VPS13C: variants seen among roughly 807,000 people sequenced by gnomAD.
VPS13C encodes the protein intermembrane lipid transfer protein VPS13C.
In VPS13C, 358 loss-of-function variants were observed where a neutral mutation model predicts 456.8. The observed-to-expected ratio is 0.78, with a 90% CI of 0.72 to 0.86. VPS13C has a LOEUF of 0.86. Ranked by LOEUF, VPS13C falls within the 40% of genes least tolerant of loss-of-function variation. VPS13C has a pLI of 0.00. For synonymous variants in VPS13C, 1,578 were observed against 1,486.7 expected (o/e 1.06, Z -1.41); for missense variants, 4,818 against 4,385.4 (o/e 1.10, Z -2.79).
In VPS13C at chr15:61,910,533, T is replaced by C. The variant is rs2043274160; in HGVS notation, c.8716-228A>G. ...AGATATATTAGTCTATATGTATTTA[T>C]GGTATAATTGCAATATGAGAAACTG... is the stretch of plus-strand genomic sequence containing the variant. On this transcript the variant is annotated intron_variant, in intron 63 of 84. Coordinates refer to ENST00000644861, the MANE Select transcript of VPS13C (RefSeq NM_020821.3). Among the ~76,000 whole-genome samples, 4 of 152,170 alleles carry C rather than the reference T, an allele frequency of 2.6e-5. No homozygotes were observed. In the South Asian group the frequency reaches 8.3e-4, roughly 32 times the overall value.
In VPS13C at chr15:62,013,128, G is replaced by GA. The variant is rs2047107234; in HGVS notation, c.745-10dup. 8.2e-6 allele frequency: 13 copies of GA among 1,583,784 alleles called. No homozygotes were observed. Among genetic ancestry groups the GA allele is most frequent in the Non-Finnish European group, 1.1e-5 (13 of 1,164,604 alleles). On this transcript the variant is annotated splice_polypyrimidine_tract_variant and intron_variant, in intron 10 of 84. Coordinates refer to ENST00000644861, the MANE Select transcript of VPS13C (RefSeq NM_020821.3). ...CTATCAAGTCGTATAAGCTATAAGA[G>GA]AAAAATGAAAGAGATCAGGCAATCA... is the stretch of plus-strand genomic sequence containing the variant.
intron 21 of VPS13C, 99 bp downstream of exon 21, chr15:61,982,360 G>GA (rs1446960815): frequency 2.3e-6 from 2 of 879,382 alleles, no homozygotes; most frequent in African/African-American, 1.7e-5. Flanking sequence ...TTAAAATAAA[G>GA]AAAAAAAGCA....
Position 61,951,855 on chromosome 15 carries a change from T to G in VPS13C, c.4425A>C (p.Lys1475Asn), listed in dbSNP as rs777376704. 11 of 1,612,690 alleles carry G rather than the reference T, an allele frequency of 6.8e-6. No homozygotes were observed. In the South Asian group the frequency reaches 9.9e-5, roughly 15 times the overall value. ...TYDMTAKAYL[K>N]KISMQCFDFT... is the part of the protein sequence containing the mutation. ...AATCAAAGCACTGCATACTAATTTTTTTTAGATAAGCTTTAGCAGTCATGT... is the reference window on the plus strand; with the variant it reads ...AATCAAAGCACTGCATACTAATTTTGTTTAGATAAGCTTTAGCAGTCATGT... Residue 1475 changes from lysine to asparagine, a missense_variant, in exon 39 of 85, where the codon AAA becomes AAC. By Grantham distance (94) the Lys-to-Asn change is moderately conservative (BLOSUM62 0). This residue lies in a region of VPS13C where 4,552 missense variants were observed against 4,130.6 expected (regional missense o/e 1.10). Transcript: ENST00000644861.
intron 22 of VPS13C, 73 bp downstream of exon 22, chr15:61,981,269 A>G: frequency 6.9e-7 from 1 of 1,459,784 alleles, no homozygotes; most frequent in South Asian, 1.5e-5. Context: ...GAAGAAAAAA[A>G]CAGCAAACTG....
intron 74 of VPS13C, 113 bp from the exon 75 acceptor site, chr15:61,877,167 C>G (rs1230733875): frequency 1.5e-6 from 1 of 674,174 alleles, no homozygotes; most frequent in African/African-American, 1.9e-5. Context: ...TCACAATTGA[C>G]TTCGTACATT....
chr15:61,944,878 TAAG>T (rs2044552052), intron 45 of VPS13C, among the ~76,000 whole-genome samples: 2 of 152,314 alleles, frequency 1.3e-5, no homozygotes, highest in African/African-American at 4.8e-5. Context: ...GCAGCCCCAC[TAAG>T]AAGAATAGGC....
chr15:61,890,988 A>C (rs975227122), intron 66 of VPS13C, among the ~76,000 whole-genome samples: 1 of 152,220 alleles, frequency 6.6e-6, no homozygotes, highest in African/African-American at 2.4e-5. Flanking sequence ...CAGAGGTTAC[A>C]GTGAGCTGAG....
Position 61,913,310 on chromosome 15 carries a change from C to A in VPS13C, c.8550+1G>T. The stretch of plus-strand genomic sequence containing the variant: ...AGGTAAATAAGGAAGCAGAATCTTA[C>A]CAGGTACTCCATATTGTTGGCAGGA... On this transcript the variant is annotated splice_donor_variant, in intron 62 of 84. Coordinates refer to ENST00000644861, the MANE Select transcript of VPS13C (RefSeq NM_020821.3). LOFTEE classifies it high-confidence loss of function. 3.7e-6 allele frequency: 6 copies of A among 1,613,162 alleles called. No homozygotes were observed. The highest frequency in any genetic ancestry group is 4.2e-6 in the Non-Finnish European group (5 of 1,179,268).
intron 35 of VPS13C, 52 bp from the exon 36 acceptor site, chr15:61,959,647 A>C: frequency 1.3e-6 from 2 of 1,553,010 alleles, no homozygotes; most frequent in South Asian, 2.4e-5. Context: ...TAGAAATGCA[A>C]CATATTAAAA....
At chr15:61,958,540 C>T in intron 37 of VPS13C, 68 bp downstream of exon 37, 1 of 867,934 alleles carries the variant, frequency 1.2e-6, no homozygotes, top group Non-Finnish European at 1.8e-6. Context: ...TTTTTATTTG[C>T]TGATTCCCTA....
At chr15:61,974,573 T>C (rs1049488966) in intron 24 of VPS13C, among the ~76,000 whole-genome samples, 156 bp from the exon 25 acceptor site, 1 of 152,152 alleles carries the variant, frequency 6.6e-6, no homozygotes, top group Non-Finnish European at 1.5e-5. Flanking sequence ...TGTCAGGAAA[T>C]GGGAAGTTCT....
chr15:61,863,478 A>T lies in VPS13C; in HGVS notation c.10914T>A (p.Ile3638=). 1.9e-6 allele frequency: 3 copies of T among 1,613,044 alleles called. No individual in the cohort carries two copies. Among genetic ancestry groups the T allele is most frequent in the Non-Finnish European group, 1.7e-6 (2 of 1,179,330 alleles). The change falls in exon 82 of 85, where the codon ATT becomes ATA. Residue 3638 remains isoleucine (I), a synonymous_variant. Coordinates refer to ENST00000644861, the MANE Select transcript of VPS13C (RefSeq NM_020821.3). ...TAAGGATTGTCTTCTTGCTTCCAGGAATAGCACAGTGGTATCGGTAAGTCT... is the reference window on the plus strand; with the variant it reads ...TAAGGATTGTCTTCTTGCTTCCAGGTATAGCACAGTGGTATCGGTAAGTCT... ...EGETYRYHCA[I]PGSKKTILMV...
intron 9 of VPS13C, among the ~76,000 whole-genome samples, chr15:62,019,138 C>G (rs1248340696): frequency 6.6e-6 from 1 of 151,888 alleles, no homozygotes; most frequent in Non-Finnish European, 1.5e-5. Flanking sequence ...GGTGATATCC[C>G]CTTTACTATT....
intron 53 of VPS13C, among the ~76,000 whole-genome samples, chr15:61,924,181 T>TA (rs1253365052): frequency 1.3e-5 from 2 of 152,174 alleles, no homozygotes; most frequent in Admixed American, 6.5e-5. Flanking sequence ...CTCTAAATCT[T>TA]AAAGGATTTT....
rs748598765 is a variant in VPS13C, at chr15:61,869,549, T to C, written c.10699A>G (p.Thr3567Ala). ...KGLVGAVARP[T>A]GGIVDMASST... ...CTGGCCATATCTACGATTCCACCAG[T>C]TGGACGGGCCACAGCACCCACAAGC... Residue 3567 changes from threonine to alanine, a missense_variant, in exon 80 of 85, where the codon ACT (threonine) becomes GCT (alanine). Coordinates refer to ENST00000644861, the MANE Select transcript of VPS13C (RefSeq NM_020821.3). The C allele has an allele frequency of 1.6e-5, 26 of 1,614,176 alleles. No homozygotes were observed. Among genetic ancestry groups the C allele is most frequent in the South Asian group, 7.7e-5 (7 of 91,086 alleles).
Position 61,856,266 on chromosome 15 carries a change from GGT to G in VPS13C, c.11076+18_11076+19del. 1 of 1,612,056 alleles carries G rather than the reference GGT, an allele frequency of 6.2e-7. No individual in the cohort carries two copies. Among genetic ancestry groups the G allele is most frequent in the Non-Finnish European group, 8.5e-7 (1 of 1,178,968 alleles). On this transcript the variant is annotated intron_variant, in intron 83 of 84. Transcript: ENST00000644861. Reference sequence around the variant, plus strand: ...AAAGCAATGAACTCTTAGCTCTAAAGGTGTGACATGTTTTCTTACCTTAACTG... The same window carrying G: ...AAAGCAATGAACTCTTAGCTCTAAAGGTGACATGTTTTCTTACCTTAACTG...
At chr15:61,927,411 A>G in intron 51 of VPS13C, 91 bp from the exon 52 acceptor site, 1 of 951,858 alleles carries the variant, frequency 1.1e-6, no homozygotes, top group Non-Finnish European at 1.6e-6. Flanking sequence ...GTTGTTCTCA[A>G]TGTTTTTCTA....
chr15:62,003,539 A>G (rs989727528), intron 15 of VPS13C, among the ~76,000 whole-genome samples: 7 of 152,294 alleles, frequency 4.6e-5, no homozygotes, highest in Middle Eastern at 3.4e-3. Context: ...TGCCCTGGCC[A>G]GAACTTCCAA....
At chr15:61,939,556 C>G (rs1164300041) in intron 47 of VPS13C, among the ~76,000 whole-genome samples, 2 of 152,170 alleles carry the variant, frequency 1.3e-5, no homozygotes, top group Non-Finnish European at 2.9e-5. Context: ...TCTCTCACCC[C>G]TATCCCATCC....
Sources: gnomAD v4.1 joint callset for allele counts (sites outside exome capture counted in the v4.1 genomes callset) on GRCh38, gnomAD v4.1.1 for gene constraint, gnomAD v4.1.1 regional missense constraint, MANE v1.5 for transcripts, NCBI Gene and HGNC (gene_info 2026-07-23, HGNC 2026-07-21) for gene names.